The following KREMEN1 variants were observed in gnomAD, a reference collection of about 807,000 sequenced individuals.
KREMEN1 encodes kringle containing transmembrane protein 1.
In KREMEN1, 30 loss-of-function variants were observed where a neutral mutation model predicts 46.5. The ratio of observed to expected loss-of-function variants is 0.65; its 90% confidence interval spans 0.48 to 0.88. KREMEN1 has a LOEUF of 0.88. Ranked by LOEUF, KREMEN1 falls within the 40% of genes least tolerant of loss-of-function variation. KREMEN1 has a pLI of 0.00. For synonymous variants in KREMEN1, 214 were observed against 230.6 expected, an observed-to-expected ratio of 0.93 and a Z score of 0.65; for missense variants, 533 against 596.9, an observed-to-expected ratio of 0.89 and a Z score of 1.11.
chr22:29,141,854 C>T (rs1222754492), intron 8 of KREMEN1, 90 bp from the exon 9 acceptor site: 15 of 1,064,104 alleles, frequency 1.4e-5, no homozygotes, highest in Non-Finnish European at 1.7e-5. Context: ...GACCTTGCCC[C>T]ACCCCATTTC....
chr22:29,141,239 GTGTGTGTGTGTCTGCATGTGCA>G (rs1384995525), intron 8 of KREMEN1, among the ~76,000 whole-genome samples: 3 of 150,672 alleles, frequency 2.0e-5, no homozygotes, highest in African/African-American at 7.4e-5. Context: ...GTGTGTGTGT[GTGTGTGTGTGTCTGCATGTGCA>G]TGTGTGTGTG....
At chr22:29,165,080 G>C (rs556753939) in intron 9 of KREMEN1, among the ~76,000 whole-genome samples, 2 of 152,292 alleles carry the variant, frequency 1.3e-5, no homozygotes, top group East Asian at 3.9e-4. Context: ...GGCTGAGGCA[G>C]AGGAGTCGCT....
At chr22:29,135,760 C>T (rs1049666440) in intron 5 of KREMEN1, among the ~76,000 whole-genome samples, 15 of 152,296 alleles carry the variant, frequency 9.8e-5, no homozygotes, top group African/African-American at 3.1e-4. Context: ...ACTTCTCTGG[C>T]GGTCACCTCT....
At chr22:29,085,585 A>G (rs1160444932) in intron 1 of KREMEN1, among the ~76,000 whole-genome samples, 1 of 152,216 alleles carries the variant, frequency 6.6e-6, no homozygotes, top group Non-Finnish European at 1.5e-5. Flanking sequence ...TATTTAGGTA[A>G]TGTGAGTCCT....
At chr22:29,086,869 CCCAAATAA>C (rs1433532551) in intron 1 of KREMEN1, among the ~76,000 whole-genome samples, 1 of 152,060 alleles carries the variant, frequency 6.6e-6, no homozygotes, top group Non-Finnish European at 1.5e-5. Context: ...ACCTCAGCCT[CCCAAATAA>C]CTAGGATTAC....
chr22:29,085,656 G>A (rs2037717386), intron 1 of KREMEN1, among the ~76,000 whole-genome samples: 1 of 152,060 alleles, frequency 6.6e-6, no homozygotes, highest in African/African-American at 2.4e-5. Flanking sequence ...ACTTGTTGAA[G>A]ATGTAGTTTC....
chr22:29,142,480 T>C lies in KREMEN1; in HGVS notation c.*368T>C, dbSNP rs713728. ...TTCTAGATGGCTGTCAGGTGGTGGG[T>C]AGCTTTAGTTACATTGAATTTTTCT... On this transcript the variant is annotated 3_prime_UTR_variant, in exon 9 of 9. Transcript: ENST00000400335. 178,732 of 1,013,908 alleles carry C rather than the reference T, an allele frequency of 0.18. 16,277 individuals are homozygous for C. Among genetic ancestry groups the C allele is most frequent in the African/African-American group, 0.27 (15,778 of 58,530 alleles). 62.8% of individuals were successfully genotyped at this position (1,013,908 alleles called of 1,614,324 possible). A position where few individuals can be genotyped will look rare whatever the true frequency, so the allele number is the denominator to read the frequency against.
chr22:29,152,473 T>C (rs373305997), intron 9 of KREMEN1, among the ~76,000 whole-genome samples: 2 of 152,198 alleles, frequency 1.3e-5, no homozygotes, highest in South Asian at 4.1e-4. Flanking sequence ...CTTTCCCATG[T>C]AGGGAGTCCT....
chr22:29,110,178 T>C (rs1383407931), intron 3 of KREMEN1, among the ~76,000 whole-genome samples: 1 of 152,214 alleles, frequency 6.6e-6, no homozygotes, highest in African/African-American at 2.4e-5. Context: ...TCACCTGGGC[T>C]TAGTGAGGTG....
At chr22:29,118,749 T>C (rs902278502) in intron 3 of KREMEN1, among the ~76,000 whole-genome samples, 1 of 152,034 alleles carries the variant, frequency 6.6e-6, no homozygotes, top group African/African-American at 2.4e-5. Flanking sequence ...TTTTAGGGAG[T>C]AATAGGGGGA....
intron 9 of KREMEN1, among the ~76,000 whole-genome samples, chr22:29,164,767 A>AC (rs2039039732): frequency 6.6e-6 from 1 of 150,914 alleles, no homozygotes; most frequent in African/African-American, 2.4e-5. Flanking sequence ...CAAAAAAAAA[A>AC]ACCCAAAACA....
chr22:29,104,682 G>A (rs1390509905), intron 3 of KREMEN1, among the ~76,000 whole-genome samples: 3 of 152,106 alleles, frequency 2.0e-5, no homozygotes, highest in South Asian at 2.1e-4. Context: ...CAAGGTGGGC[G>A]GATCACCTGA....
At chr22:29,121,774 A>C (rs1015305986) in intron 4 of KREMEN1, among the ~76,000 whole-genome samples, 7 of 152,222 alleles carry the variant, frequency 4.6e-5, no homozygotes, top group African/African-American at 1.4e-4. Flanking sequence ...ACTGCACAAC[A>C]CAGTGACTAT....
At position 29,144,826 on chromosome 22, in the gene KREMEN1, G is replaced by T; in HGVS notation, c.*2714G>T. ...CCTCCTCACATCTCAGTCAGGGGAG[G>T]CCATGCCCAAGCCAATGTGCTGTCA... On this transcript the variant is annotated 3_prime_UTR_variant, in exon 9 of 9. Coordinates refer to ENST00000400335, the MANE Select transcript of KREMEN1 (RefSeq NM_001039570.3). 1 of 985,566 alleles carries T rather than the reference G, an allele frequency of 1.0e-6. No individual in the cohort carries two copies. Among genetic ancestry groups the T allele is most frequent in the Non-Finnish European group, 1.2e-6 (1 of 830,018 alleles). 61.1% of individuals were successfully genotyped at this position (985,566 alleles called of 1,614,324 possible).
chr22:29,106,755 C>T (rs1046330171), intron 3 of KREMEN1, among the ~76,000 whole-genome samples: 1 of 152,118 alleles, frequency 6.6e-6, no homozygotes, highest in Admixed American at 6.5e-5. Flanking sequence ...CTGTTGAGGT[C>T]ATTCTTCAGA....
At chr22:29,085,038 A>G (rs1452985657) in intron 1 of KREMEN1, among the ~76,000 whole-genome samples, 1 of 152,202 alleles carries the variant, frequency 6.6e-6, no homozygotes, top group Non-Finnish European at 1.5e-5. Flanking sequence ...AGCTCGTTCT[A>G]TGGTCATTTG....
At chr22:29,150,369 G>A (rs9613828), downstream of KREMEN1, among the ~76,000 whole-genome samples, 261 of 152,348 alleles carry the variant, frequency 1.7e-3, no homozygotes, top group Non-Finnish European at 2.4e-3. Context: ...CTGGGTGACT[G>A]AGCGGGGAAA....
intron 5 of KREMEN1, among the ~76,000 whole-genome samples, chr22:29,132,935 G>A (rs2038585240): frequency 6.6e-6 from 1 of 152,024 alleles, no homozygotes; most frequent in Non-Finnish European, 1.5e-5. Flanking sequence ...CCTCTTCCTT[G>A]CCTGCCTTCA....
chr22:29,074,506 C>T (rs199718260), intron 1 of KREMEN1, among the ~76,000 whole-genome samples: 49 of 152,340 alleles, frequency 3.2e-4, no homozygotes, highest in African/African-American at 1.2e-3. Context: ...ACCTTGTAGC[C>T]GAATCCTTTC....
Sources: allele counts gnomAD v4.1 joint callset (sites outside exome capture counted in the v4.1 genomes callset), GRCh38; gene constraint gnomAD v4.1.1; transcripts MANE v1.5; gene names NCBI Gene and HGNC (gene_info 2026-07-23, HGNC 2026-07-21).